Variants in DOCK1 observed in about 807,000 individuals in gnomAD.
The protein encoded by DOCK1 is dedicator of cytokinesis 1, also known as dedicator of cytokinesis protein 1.
DOCK1 carries 138 observed loss-of-function variants against 262.7 expected under a neutral mutation model. That is an observed-to-expected ratio of 0.53 (90% CI 0.46 to 0.61). The LOEUF (loss-of-function observed/expected upper bound fraction) is 0.61. Among genes scored for constraint, DOCK1 ranks in the 20% least tolerant of loss-of-function variants. The probability of loss-of-function intolerance (pLI) is 0.00; values close to 1 mark genes in which losing one functional copy is unlikely to be tolerated. For missense variants in DOCK1, 1,908 were observed against 2,370.7 expected, an observed-to-expected ratio of 0.80 and a Z score of 4.05; for synonymous variants, 866 against 867.4, an observed-to-expected ratio of 1.00 and a Z score of 0.03.
intron 29 of DOCK1, among the ~76,000 whole-genome samples, chr10:127,326,428 A>T (rs1564994364): frequency 6.6e-6 from 1 of 152,228 alleles, no homozygotes; most frequent in Non-Finnish European, 1.5e-5. Flanking sequence ...CATCTCAAGA[A>T]ACCACTTTCT....
chr10:127,196,062 C>T (rs1297920937), intron 27 of DOCK1: 5 of 152,158 alleles, frequency 3.3e-5, no homozygotes, highest in Non-Finnish European at 7.3e-5. Flanking sequence ...TCGCTGCGGA[C>T]CCTGGCAAGC....
At chr10:126,964,865 C>T (rs1191041164) in intron 1 of DOCK1, among the ~76,000 whole-genome samples, 1 of 152,242 alleles carries the variant, frequency 6.6e-6, no homozygotes, top group Non-Finnish European at 1.5e-5. Flanking sequence ...GTCTCAGCCT[C>T]TGTATCTTTT....
At chr10:127,213,906 C>A (rs1345182139) in intron 27 of DOCK1, among the ~76,000 whole-genome samples, 3 of 152,192 alleles carry the variant, frequency 2.0e-5, no homozygotes, top group African/African-American at 7.2e-5. Context: ...GTGGCGCCAT[C>A]TCAGCTCACT....
At chr10:127,024,033 C>T (rs758254092) in intron 14 of DOCK1, among the ~76,000 whole-genome samples, 26 of 152,168 alleles carry the variant, frequency 1.7e-4, no homozygotes, top group Admixed American at 6.5e-4. Flanking sequence ...GCAGGGTCCA[C>T]CTGGGAGGTA....
Position 127,418,599 on chromosome 10 carries a change from A to T in DOCK1, c.4692+58A>T. ...AGTCCTGCCCGGGGACAGACTGAAA[A>T]TTCCCGAGAGTCCCCAAAGCCCAGA... On this transcript the variant is annotated intron_variant, in intron 45 of 51. Coordinates refer to ENST00000623213, the MANE Select transcript of DOCK1 (RefSeq NM_001290223.2). 2.6e-6 allele frequency: 4 copies of T among 1,540,670 alleles called. No individual in the cohort carries two copies. In the South Asian group the frequency reaches 3.7e-5, roughly 14 times the overall value.
chr10:127,051,294 A>G (rs932083698), intron 21 of DOCK1, among the ~76,000 whole-genome samples: 1 of 152,102 alleles, frequency 6.6e-6, no homozygotes, highest in African/African-American at 2.4e-5. Context: ...GGAAATGTCA[A>G]TATTTTAAAA....
intron 27 of DOCK1, chr10:127,137,399 A>G (rs1416022453): frequency 6.5e-6 from 1 of 154,626 alleles, no homozygotes; most frequent in African/African-American, 2.4e-5. Context: ...AATGAAACAT[A>G]AAAATGAAGT....
At chr10:127,199,196 A>G (rs1427761607) in intron 27 of DOCK1, among the ~76,000 whole-genome samples, 1 of 152,198 alleles carries the variant, frequency 6.6e-6, no homozygotes, top group Non-Finnish European at 1.5e-5. Context: ...GGGATTTCCT[A>G]AAAGCAGAGG....
intron 23 of DOCK1, among the ~76,000 whole-genome samples, chr10:127,104,576 C>G (rs2048424071): frequency 1.3e-5 from 2 of 152,170 alleles, no homozygotes; most frequent in Admixed American, 1.3e-4. Context: ...TTTTGGAGAA[C>G]AATTGTAAAA....
rs1424098787 is a variant in DOCK1 at position 127,374,066 on chromosome 10, A to C, written c.3527A>C (p.Glu1176Ala). The C allele has an allele frequency of 6.2e-7, 1 of 1,609,924 alleles. No individual in the cohort carries two copies. The highest frequency in any genetic ancestry group is 1.7e-5 in the Admixed American group (1 of 59,314). ...YKVLFDKILL[E>A]HCRKHKYLAK... ...GTATAATTATTTTTCAGCCTTCTGG[A>C]ACACTGCAGGAAGCACAAATACCTC... The change falls in exon 35 of 52, where the codon GAA (glutamate) becomes GCA (alanine). Residue 1176 changes from glutamate (E) to alanine (A), a missense_variant. Transcript: ENST00000623213.
chr10:126,960,004 CA>C (rs2037072067), intron 1 of DOCK1, among the ~76,000 whole-genome samples: 1 of 152,120 alleles, frequency 6.6e-6, no homozygotes, highest in Non-Finnish European at 1.5e-5. Context: ...GATGGGGTTT[CA>C]CCATGTTGGT....
At chr10:127,158,004 T>G (rs1373620115) in intron 27 of DOCK1, among the ~76,000 whole-genome samples, 1 of 152,232 alleles carries the variant, frequency 6.6e-6, no homozygotes, top group East Asian at 1.9e-4. Context: ...TGTAATCCAT[T>G]GTGCTTACTG....
intron 13 of DOCK1, among the ~76,000 whole-genome samples, chr10:127,022,086 G>C (rs181208105): frequency 6.6e-6 from 1 of 151,992 alleles, no homozygotes; most frequent in South Asian, 2.1e-4. Context: ...ATTACCAGGG[G>C]CTTCCTATGT....
At chr10:127,202,944 G>A (rs912027439) in intron 27 of DOCK1, among the ~76,000 whole-genome samples, 10 of 152,200 alleles carry the variant, frequency 6.6e-5, no homozygotes, top group Admixed American at 2.0e-4. Flanking sequence ...CTGATGCTGC[G>A]TCCAGGCTGG....
At chr10:126,953,484 A>G (rs1691041483) in intron 1 of DOCK1, among the ~76,000 whole-genome samples, 1 of 149,866 alleles carries the variant, frequency 6.7e-6, no homozygotes, top group East Asian at 2.0e-4. Flanking sequence ...AGTGGTAGCA[A>G]TATTATTGAT....
chr10:127,174,370 C>T (rs1288742329), intron 27 of DOCK1, among the ~76,000 whole-genome samples: 1 of 152,196 alleles, frequency 6.6e-6, no homozygotes, highest in Non-Finnish European at 1.5e-5. Flanking sequence ...GTAGAACAGG[C>T]TGCTTTGTAT....
chr10:127,176,444 A>G lies in DOCK1; in HGVS notation c.2847+48680A>G. On this transcript the variant is annotated intron_variant, in intron 27 of 51. Transcript: ENST00000623213. This position sits in a 1 kb window ranked among gnomAD's most constrained non-coding sequence, Gnocchi z 4.4. Reference sequence around the variant, plus strand: ...ACAGAGGTGTCAGTGGGACAGAAATACACACTCAAGCACCGGCCGCACAAA... The same window carrying G: ...ACAGAGGTGTCAGTGGGACAGAAATGCACACTCAAGCACCGGCCGCACAAA... The G allele has an allele frequency of 3.4e-6, 5 of 1,485,610 alleles. No homozygotes were observed. The highest frequency in any genetic ancestry group is 4.5e-6 in the Non-Finnish European group (5 of 1,101,908). The allele number at this position is 1,485,610 out of a possible 1,614,324, so 92.0% of individuals were successfully genotyped here.
At position 127,043,182 on chromosome 10, in the gene DOCK1, T is replaced by C. The variant is rs371495659; in HGVS notation, c.2201+18T>C. 7 of 1,562,404 alleles carry C rather than the reference T, an allele frequency of 4.5e-6. No individual in the cohort carries two copies. In the African/African-American group the frequency reaches 9.5e-5, roughly 21 times the overall value. On this transcript the variant is annotated intron_variant, in intron 21 of 51. Transcript: ENST00000623213. ...GCCTACACGTAAGTTCCTACTTTGT[T>C]TTAAAACCAATACTTCTTTTTTTGG... is the stretch of plus-strand genomic sequence containing the variant.
intron 46 of DOCK1, among the ~76,000 whole-genome samples, chr10:127,421,791 G>A (rs968443420): frequency 9.8e-5 from 15 of 152,316 alleles, no homozygotes; most frequent in East Asian, 3.9e-4. Flanking sequence ...ATGTTGTAGT[G>A]TGTGTCAGAA....
Sources: gnomAD v4.1 joint callset for allele counts (sites outside exome capture counted in the v4.1 genomes callset) on GRCh38, gnomAD v4.1.1 for gene constraint, Gnocchi (gnomAD v3.1) non-coding constraint, MANE v1.5 for transcripts, NCBI Gene and HGNC (gene_info 2026-07-23, HGNC 2026-07-21) for gene names.